Variants in MYB observed in about 807,000 individuals in gnomAD.
MYB encodes the protein MYB proto-oncogene, transcription factor, also known as transcriptional activator Myb.
MYB carries 28 observed loss-of-function variants against 92.9 expected under a neutral mutation model. The ratio of observed to expected loss-of-function variants is 0.30; its 90% confidence interval spans 0.22 to 0.41. The LOEUF is 0.41. Among genes scored for constraint, MYB ranks in the 10% least tolerant of loss-of-function variants. The pLI is 1.00. For missense variants in MYB, 679 were observed against 929.3 expected (o/e 0.73, Z 3.50); for synonymous variants, 295 against 329.1 (o/e 0.90, Z 1.12).
In MYB at chr6:135,190,075, G is replaced by T; in HGVS notation, c.307-52G>T. 2 of 1,565,676 alleles carry T rather than the reference G, an allele frequency of 1.3e-6. No homozygotes were observed. The highest frequency in any genetic ancestry group is 2.3e-5 in the South Asian group (2 of 88,176). ...TGTAACACTGAAGAATGATTATACT[G>T]ACTCATTACATAACTTTAAAACATA... On this transcript the variant is annotated intron_variant, in intron 4 of 15. Coordinates refer to ENST00000341911, the MANE Select transcript of MYB (RefSeq NM_001130173.2). The surrounding 1 kb of genome is among the most constrained non-coding windows in gnomAD (Gnocchi z 4.5).
At chr6:135,214,187 C>T (rs1317654978) in intron 15 of MYB, among the ~76,000 whole-genome samples, 1 of 151,826 alleles carries the variant, frequency 6.6e-6, no homozygotes, top group African/African-American at 2.4e-5. Context: ...GAGGCTGAGG[C>T]GGGAGGCTTG....
At position 135,194,452 on chromosome 6, in the gene MYB, G is replaced by A. The variant is rs756191927; in HGVS notation, c.940G>A (p.Val314Met). The change falls in exon 8 of 16, where the codon GTG becomes ATG. Residue 314 changes from valine to methionine, a missense_variant. Val to Met is a conservative substitution (Grantham distance 21). Transcript: ENST00000341911. ...CGAGAATGAGCTAAAAGGACAGCAGGTGCTACCAGTAAGACTGTCATCATG... is the reference window on the plus strand; with the variant it reads ...CGAGAATGAGCTAAAAGGACAGCAGATGCTACCAGTAAGACTGTCATCATG... Reference protein sequence around the residue: ...STENELKGQQVLPTQNHTCSY... With the variant: ...STENELKGQQMLPTQNHTCSY... 11 of 1,611,104 alleles carry A rather than the reference G, an allele frequency of 6.8e-6. No homozygotes were observed. The highest frequency in any genetic ancestry group is 8.5e-6 in the Non-Finnish European group (10 of 1,177,526).
At chr6:135,184,956 G>A (rs565800232) in intron 1 of MYB, among the ~76,000 whole-genome samples, 2 of 152,246 alleles carry the variant, frequency 1.3e-5, no homozygotes, top group South Asian at 4.1e-4. Flanking sequence ...CAAACAGTAA[G>A]CATATAGTTA....
chr6:135,200,472 T>C (rs1393273171), intron 13 of MYB, 57 bp downstream of exon 13: 2 of 1,608,842 alleles, frequency 1.2e-6, no homozygotes, highest in Non-Finnish European at 1.7e-6. Flanking sequence ...CTTTATTCCT[T>C]GTGTGCAGCT....
rs1775140246 is a variant in MYB, at chr6:135,182,095, G to A, written c.23+559G>A. ...GAAAAGCAGATTTTAGGGGGATAAAGGGGTCTCTACTTTTGCAAATTGTCT... is the reference window on the plus strand; with the variant it reads ...GAAAAGCAGATTTTAGGGGGATAAAAGGGTCTCTACTTTTGCAAATTGTCT... On this transcript the variant is annotated intron_variant, in intron 1 of 15. Transcript: ENST00000341911. This position sits in a 1 kb window ranked among gnomAD's most constrained non-coding sequence, Gnocchi z 5.6. 6.6e-6 allele frequency among the ~76,000 whole-genome samples: 1 copy of A among 152,214 alleles called. No homozygotes were observed. The highest frequency in any genetic ancestry group is 2.4e-5 in the African/African-American group (1 of 41,448).
In MYB at chr6:135,182,551, C is replaced by T. The variant is rs1268041365; in HGVS notation, c.23+1015C>T. ...CCCCAGGCGAAAGGTCCCTGCGCGG[C>T]GCGCACACGTGGATGCGGCTGAGGT... On this transcript the variant is annotated intron_variant, in intron 1 of 15. Coordinates refer to ENST00000341911, the MANE Select transcript of MYB (RefSeq NM_001130173.2). The surrounding 1 kb of genome is among the most constrained non-coding windows in gnomAD (Gnocchi z 5.6). Among the ~76,000 whole-genome samples, 2 of 152,184 alleles carry T rather than the reference C, an allele frequency of 1.3e-5. No individual in the cohort carries two copies. The highest frequency in any genetic ancestry group is 2.4e-5 in the African/African-American group (1 of 41,446).
chr6:135,183,052 A>C (rs906759579), intron 1 of MYB, among the ~76,000 whole-genome samples: 5 of 83,708 alleles, frequency 6.0e-5, no homozygotes, highest in Non-Finnish European at 1.1e-4. Context: ...TGGCAGCAGG[A>C]GGAGGGAGTC....
At chr6:135,188,558 G>A (rs1776240135) in intron 3 of MYB, among the ~76,000 whole-genome samples, 1 of 146,758 alleles carries the variant, frequency 6.8e-6, no homozygotes, top group African/African-American at 2.5e-5. Flanking sequence ...TGCCCAGGCT[G>A]GAGTGCAGTG....
rs555002931 is a variant in MYB at position 135,191,904 on chromosome 6, C to T, written c.528-420C>T. Among the ~76,000 whole-genome samples the T allele has an allele frequency of 5.3e-5, 8 of 152,278 alleles. No homozygotes were observed. The South Asian group carries it at 1.7e-3, about 32-fold the overall frequency. ...TCATCAGCAGCATCTTATCATCCAC[C>T]AGACTTCACCATGTCCCTCTCGTGG... On this transcript the variant is annotated intron_variant, in intron 5 of 15. Coordinates refer to ENST00000341911, the MANE Select transcript of MYB (RefSeq NM_001130173.2).
intron 15 of MYB, among the ~76,000 whole-genome samples, chr6:135,207,528 T>C (rs1779102113): frequency 6.6e-6 from 1 of 152,228 alleles, no homozygotes; most frequent in Admixed American, 6.5e-5. Flanking sequence ...TTGAGGCCCA[T>C]ATACTGGGCC....
chr6:135,202,603 G>A (rs183489799), intron 14 of MYB: 2,184 of 191,146 alleles, frequency 0.011, 21 homozygotes, highest in Admixed American at 0.019. Context: ...CCTGACCTCA[G>A]GTGATCTACC....
chr6:135,183,252 T>A (rs1775401446), intron 1 of MYB, among the ~76,000 whole-genome samples: 1 of 152,058 alleles, frequency 6.6e-6, no homozygotes, highest in African/African-American at 2.4e-5. Context: ...AGCCGTTTCT[T>A]GCAAGGGCGA....
chr6:135,212,408 C>T (rs769881902), intron 15 of MYB, among the ~76,000 whole-genome samples: 19 of 151,840 alleles, frequency 1.3e-4, no homozygotes, highest in Non-Finnish European at 1.9e-4. Flanking sequence ...TATTCATGTT[C>T]TAAATGAAAA....
chr6:135,207,054 G>A (rs1225589801), intron 15 of MYB, among the ~76,000 whole-genome samples: 6 of 151,984 alleles, frequency 3.9e-5, no homozygotes, highest in African/African-American at 1.2e-4. Context: ...GAAACACAGT[G>A]CTATTTCATA....
At chr6:135,194,547 T>C in intron 8 of MYB, 87 bp downstream of exon 8, 4 of 903,416 alleles carry the variant, frequency 4.4e-6, no homozygotes, top group African/African-American at 1.7e-5. Context: ...ATATTACACT[T>C]AGCAAGGCTC....
At chr6:135,194,717 A>C (rs1777063472) in intron 8 of MYB, 1 of 571,774 alleles carries the variant, frequency 1.7e-6, no homozygotes, top group African/African-American at 1.9e-5. Context: ...TTTCTTCAGA[A>C]GGACTATAAT....
At chr6:135,185,073 A>C (rs551188831) in intron 1 of MYB, among the ~76,000 whole-genome samples, 1 of 152,196 alleles carries the variant, frequency 6.6e-6, no homozygotes, top group East Asian at 1.9e-4. Context: ...TTTCTGGGGA[A>C]ATCCCTTCTG....
rs1775216921 is a variant in MYB, at chr6:135,182,523, T to A, written c.23+987T>A. Among the ~76,000 whole-genome samples, 1 of 152,164 alleles carries A rather than the reference T, an allele frequency of 6.6e-6. No homozygotes were observed. Among genetic ancestry groups the A allele is most frequent in the Admixed American group, 6.5e-5 (1 of 15,280 alleles). On this transcript the variant is annotated intron_variant, in intron 1 of 15. Coordinates refer to ENST00000341911, the MANE Select transcript of MYB (RefSeq NM_001130173.2). The surrounding 1 kb of genome is among the most constrained non-coding windows in gnomAD (Gnocchi z 5.6). ...ACCGGGACGCGATCCCCGCGGGCTC[T>A]GCCCCCAGGCGAAAGGTCCCTGCGC...
At position 135,200,267 on chromosome 6, in the gene MYB, A is replaced by G. The variant is rs771324703; in HGVS notation, c.1825-23A>G. The G allele has an allele frequency of 8.1e-6, 13 of 1,613,962 alleles. No homozygotes were observed. The East Asian group carries it at 2.0e-4, about 25-fold the overall frequency. Reference sequence around the variant, plus strand: ...CCCATTAGGAGTTCTCTCTGATGCAAAAATACCCACTCTTCCGTTTAGCCT... The same window carrying G: ...CCCATTAGGAGTTCTCTCTGATGCAGAAATACCCACTCTTCCGTTTAGCCT... On this transcript the variant is annotated intron_variant, in intron 12 of 15. Transcript: ENST00000341911.
Sources: gnomAD v4.1 joint callset for allele counts (sites outside exome capture counted in the v4.1 genomes callset) on GRCh38, gnomAD v4.1.1 for gene constraint, Gnocchi (gnomAD v3.1) non-coding constraint, MANE v1.5 for transcripts, NCBI Gene and HGNC (gene_info 2026-07-23, HGNC 2026-07-21) for gene names.